ARHGAP31: variants seen among roughly 807,000 people sequenced by gnomAD.
The protein encoded by ARHGAP31 is Rho GTPase activating protein 31.
Under a neutral mutation model 113.9 loss-of-function variants are expected in ARHGAP31, and 34 were observed. The observed-to-expected ratio is 0.30, with a 90% CI of 0.23 to 0.40. The LOEUF is 0.40. Among genes scored for constraint, ARHGAP31 ranks in the 10% least tolerant of loss-of-function variants. The pLI is 1.00. For synonymous variants in ARHGAP31, 650 were observed against 684.8 expected, an observed-to-expected ratio of 0.95 and a Z score of 0.79; for missense variants, 1,548 against 1,767.1, an observed-to-expected ratio of 0.88 and a Z score of 2.22.
At chr3:119,340,150 G>T (rs1577002469) in intron 1 of ARHGAP31, among the ~76,000 whole-genome samples, 1 of 152,118 alleles carries the variant, frequency 6.6e-6, no homozygotes. Flanking sequence ...TAGACAAATG[G>T]TAAGCACACA....
At chr3:119,322,386 T>A (rs75765892) in intron 1 of ARHGAP31, among the ~76,000 whole-genome samples, 4,658 of 152,322 alleles carry the variant, frequency 0.031, 190 homozygotes, top group African/African-American at 0.081. Flanking sequence ...ATTGCTGCTC[T>A]GTTTTTAGAG....
In ARHGAP31 at chr3:119,337,485, A is replaced by G. The variant is rs557929027; in HGVS notation, c.101-27831A>G. Among the ~76,000 whole-genome samples the G allele has an allele frequency of 2.0e-4, 30 of 152,294 alleles. No individual in the cohort carries two copies. The South Asian group carries it at 2.1e-3, about 11-fold the overall frequency. The stretch of plus-strand genomic sequence containing the variant: ...ATTTACTGCAAAAAGCAAAAGAACA[A>G]AGCTTCCACAATACTGACGGGACCC... On this transcript the variant is annotated intron_variant, in intron 1 of 11. Coordinates refer to ENST00000264245, the MANE Select transcript of ARHGAP31 (RefSeq NM_020754.4).
intron 1 of ARHGAP31, among the ~76,000 whole-genome samples, chr3:119,296,838 AG>A (rs1262049321): frequency 6.6e-6 from 1 of 152,194 alleles, no homozygotes; most frequent in Non-Finnish European, 1.5e-5. Flanking sequence ...AGAAGCCCAG[AG>A]GGGTAAATTG....
chr3:119,304,491 T>A (rs1336584098), intron 1 of ARHGAP31, among the ~76,000 whole-genome samples: 1 of 152,066 alleles, frequency 6.6e-6, no homozygotes, highest in Admixed American at 6.5e-5. Context: ...GCCTGACACT[T>A]GGAATTGGTC....
intron 1 of ARHGAP31, among the ~76,000 whole-genome samples, chr3:119,333,441 T>A (rs1425330868): frequency 6.6e-6 from 1 of 152,240 alleles, no homozygotes; most frequent in Admixed American, 6.5e-5. Context: ...AGTACTAGAA[T>A]TTGTTCATTA....
At chr3:119,309,786 A>G (rs1383638455) in intron 1 of ARHGAP31, among the ~76,000 whole-genome samples, 1 of 151,972 alleles carries the variant, frequency 6.6e-6, no homozygotes, top group Non-Finnish European at 1.5e-5. Context: ...CACCACAACC[A>G]CCAGCACCAT....
chr3:119,353,167 T>C (rs1462580962), intron 1 of ARHGAP31, among the ~76,000 whole-genome samples: 2 of 152,108 alleles, frequency 1.3e-5, no homozygotes, highest in East Asian at 1.9e-4. Context: ...TCCACTTAGC[T>C]CACAACACTG....
At chr3:119,318,063 C>G (rs1187111743) in intron 1 of ARHGAP31, among the ~76,000 whole-genome samples, 3 of 150,218 alleles carry the variant, frequency 2.0e-5, no homozygotes, top group Non-Finnish European at 4.4e-5. Context: ...AATTTTGGAG[C>G]ACCACCCAGG....
intron 1 of ARHGAP31, among the ~76,000 whole-genome samples, chr3:119,363,006 G>C (rs2080223452): frequency 6.6e-6 from 1 of 152,196 alleles, no homozygotes; most frequent in Non-Finnish European, 1.5e-5. Context: ...TTCAGTCCTA[G>C]CTACAAGATT....
Position 119,380,939 on chromosome 3 carries a change from G to C in ARHGAP31, c.384G>C (p.Leu128=), listed in dbSNP as rs150339878. ...AVSHCPEEGQ[L]ARIQNVIQEL... is the part of the protein sequence containing the mutation. ...CGCATTGCCCTGAAGAAGGCCAACT[G>C]GCCCGAATCCAAAATGTTATCCAGG... Residue 128 remains leucine (L), a synonymous_variant, in exon 4 of 12, where the codon CTG becomes CTC. Coordinates refer to ENST00000264245, the MANE Select transcript of ARHGAP31 (RefSeq NM_020754.4). 1.0e-3 allele frequency: 1,686 copies of C among 1,614,154 alleles called. 10 individuals are homozygous for C. In the African/African-American group the frequency reaches 0.016, roughly 15 times the overall value.
Position 119,402,379 on chromosome 3 carries a change from G to A in ARHGAP31, c.1627G>A (p.Gly543Arg), listed in dbSNP as rs1352252633. The A allele has an allele frequency of 6.2e-7, 1 of 1,613,418 alleles. No individual in the cohort carries two copies. The highest frequency in any genetic ancestry group is 1.7e-5 in the Admixed American group (1 of 60,028). Residue 543 changes from glycine (G) to arginine (R), a missense_variant, in exon 10 of 12, where the codon GGA becomes AGA. Gly to Arg is a moderately radical substitution (Grantham distance 125). Transcript: ENST00000264245. ...CTGGCCAGAAGAAGAGAAACCGCTGGGAGCTGAGACTTCTGCAGGTAAGTA... is the reference window on the plus strand; with the variant it reads ...CTGGCCAGAAGAAGAGAAACCGCTGAGAGCTGAGACTTCTGCAGGTAAGTA... ...GGWPEEEKPL[G>R]AETSAASVPK...
rs556070063 is a variant in ARHGAP31 at position 119,330,192 on chromosome 3, G to A, written c.101-35124G>A. On this transcript the variant is annotated intron_variant, in intron 1 of 11. Coordinates refer to ENST00000264245, the MANE Select transcript of ARHGAP31 (RefSeq NM_020754.4). ...GGAGAATGTAGAGGGTGGGATTTGT[G>A]TATTTTCCCATGTGCCTCTTCATAT... is the stretch of plus-strand genomic sequence containing the variant. Among the ~76,000 whole-genome samples the A allele has an allele frequency of 7.9e-5, 12 of 152,330 alleles. No homozygotes were observed. In the South Asian group the frequency reaches 1.2e-3, roughly 16 times the overall value.
In ARHGAP31 at chr3:119,419,985, A is replaced by G. The variant is rs139015108; in HGVS notation, c.*3721A>G. On this transcript the variant is annotated 3_prime_UTR_variant, in exon 12 of 12. Coordinates refer to ENST00000264245, the MANE Select transcript of ARHGAP31 (RefSeq NM_020754.4). ...GTCATCACAAAGCAGATTAACTCCT[A>G]GTTAATGATGAAGCAGTAGGCCCAA... 12 of 152,352 alleles carry G rather than the reference A, an allele frequency of 7.9e-5. No individual in the cohort carries two copies. In the East Asian group the frequency reaches 2.1e-3, roughly 27 times the overall value. The allele number at this position is 152,352 out of a possible 1,614,324, so 9.4% of individuals were successfully genotyped here.
intron 8 of ARHGAP31, among the ~76,000 whole-genome samples, chr3:119,397,639 A>G (rs1341721943): frequency 6.6e-6 from 1 of 152,268 alleles, no homozygotes; most frequent in African/African-American, 2.4e-5. Context: ...AGTGGGCCCC[A>G]GAAAGAGAGA....
At chr3:119,335,689 G>A (rs2079938636) in intron 1 of ARHGAP31, among the ~76,000 whole-genome samples, 1 of 152,214 alleles carries the variant, frequency 6.6e-6, no homozygotes, top group Non-Finnish European at 1.5e-5. Flanking sequence ...TTGGTCTGTG[G>A]CTGCAAGGTA....
chr3:119,310,124 C>T (rs899029219), intron 1 of ARHGAP31, among the ~76,000 whole-genome samples: 2 of 152,146 alleles, frequency 1.3e-5, no homozygotes, highest in African/African-American at 2.4e-5. Flanking sequence ...ATTATCCTCC[C>T]GTCAAGCTGA....
rs753595119 is a variant in ARHGAP31, at chr3:119,414,217, C to T, written c.2288C>T (p.Ala763Val). Residue 763 changes from alanine to valine, a missense_variant, in exon 12 of 12, where the codon GCA (alanine) becomes GTA (valine). By Grantham distance (64) the Ala-to-Val change is moderately conservative. Coordinates refer to ENST00000264245, the MANE Select transcript of ARHGAP31 (RefSeq NM_020754.4). ...CTGGAAATAGTTCCTTTTGAGAAGG[C>T]ATCTCCACAAGCAACAGTGGAAGTA... is the stretch of plus-strand genomic sequence containing the variant. Reference protein sequence around the residue: ...APLEIVPFEKASPQATVEVGG... With the variant: ...APLEIVPFEKVSPQATVEVGG... The T allele has an allele frequency of 7.4e-6, 12 of 1,614,188 alleles. No individual in the cohort carries two copies. The highest frequency in any genetic ancestry group is 1.0e-5 in the Non-Finnish European group (12 of 1,180,022).
At chr3:119,335,485 C>T (rs1298827101) in intron 1 of ARHGAP31, among the ~76,000 whole-genome samples, 1 of 152,126 alleles carries the variant, frequency 6.6e-6, no homozygotes, top group Non-Finnish European at 1.5e-5. Context: ...GCCCCTAGGC[C>T]AGGGCAGGCC....
chr3:119,369,541 T>C lies in ARHGAP31; in HGVS notation c.348+1025T>C, dbSNP rs77513892. Among the ~76,000 whole-genome samples the C allele has an allele frequency of 8.2e-3, 1,251 of 152,308 alleles. 39 individuals carry two copies. In the East Asian group the frequency reaches 0.11, roughly 13 times the overall value. The stretch of plus-strand genomic sequence containing the variant: ...GGAACCTTTCTCATGGCTCCTGTAA[T>C]AAATTTGTTTTGAGTATATGAAAGG... On this transcript the variant is annotated intron_variant, in intron 3 of 11. Transcript: ENST00000264245.
Sources: allele counts gnomAD v4.1 joint callset (sites outside exome capture counted in the v4.1 genomes callset), GRCh38; gene constraint gnomAD v4.1.1; transcripts MANE v1.5; gene names NCBI Gene and HGNC (gene_info 2026-07-23, HGNC 2026-07-21).